The following SUPT3H variants were observed in gnomAD, a reference collection of about 807,000 sequenced individuals.
SUPT3H encodes transcription initiation protein SPT3 homolog.
Under a neutral mutation model 44.3 loss-of-function variants are expected in SUPT3H, and 44 were observed. The observed-to-expected ratio is 0.99, with a 90% confidence interval of 0.78 to 1.28. The LOEUF (loss-of-function observed/expected upper bound fraction) is 1.28, where lower values mean the gene tolerates loss of function less well. Ranked by LOEUF, SUPT3H falls within the 50% of genes most tolerant of loss-of-function variation. The pLI, the probability that SUPT3H is intolerant of heterozygous loss-of-function variation, is 0.00. For synonymous variants in SUPT3H, 124 were observed against 125.6 expected (o/e 0.99, Z 0.09); for missense variants, 380 against 387.1 (o/e 0.98, Z 0.15).
At chr6:44,893,181 C>T (rs1763566624) in intron 10 of SUPT3H, among the ~76,000 whole-genome samples, 1 of 151,936 alleles carries the variant, frequency 6.6e-6, no homozygotes, top group African/African-American at 2.4e-5. Flanking sequence ...CTTCTAGTTG[C>T]CTATTTATAA....
At chr6:44,947,511 C>T (rs1773545643) in intron 9 of SUPT3H, among the ~76,000 whole-genome samples, 1 of 152,122 alleles carries the variant, frequency 6.6e-6, no homozygotes, top group Admixed American at 6.5e-5. Context: ...CTGATGTAAG[C>T]AGTCAGCCTA....
At chr6:45,056,304 A>G (rs1256012668) in intron 3 of SUPT3H, among the ~76,000 whole-genome samples, 3 of 152,232 alleles carry the variant, frequency 2.0e-5, no homozygotes, top group African/African-American at 7.2e-5. Flanking sequence ...TAGATCTACC[A>G]TTTGATCTAG....
Position 44,954,553 on chromosome 6 carries a change from T to A in SUPT3H, c.635A>T (p.Lys212Ile). The part of the protein sequence containing the change: ...DWLDCSSMEI[K>I]PNVVAMEILA... ...GATTTCCATTGCGACAACATTGGGT[T>A]TTATCTCCATACTGCTGCAGTCCAA... Residue 212 changes from lysine to isoleucine, a missense_variant, in exon 8 of 11, where the codon AAA becomes ATA. Lys to Ile is a moderately radical substitution (Grantham distance 102). Transcript: ENST00000371459. 1 of 1,614,148 alleles carries A rather than the reference T, an allele frequency of 6.2e-7. No individual in the cohort carries two copies. The highest frequency in any genetic ancestry group is 8.5e-7 in the Non-Finnish European group (1 of 1,180,018).
At chr6:44,882,926 A>G (rs1467673718) in intron 10 of SUPT3H, among the ~76,000 whole-genome samples, 2 of 152,228 alleles carry the variant, frequency 1.3e-5, no homozygotes, top group Admixed American at 1.3e-4. Flanking sequence ...CACAGCCAAT[A>G]TCATACTGAA....
chr6:45,299,010 C>T (rs1160919829), intron 2 of SUPT3H, among the ~76,000 whole-genome samples: 1 of 152,006 alleles, frequency 6.6e-6, no homozygotes, highest in Non-Finnish European at 1.5e-5. Context: ...CACGTAAATG[C>T]AAAGTTTAAA....
At chr6:45,159,923 A>G (rs1260409885) in intron 2 of SUPT3H, among the ~76,000 whole-genome samples, 1 of 152,220 alleles carries the variant, frequency 6.6e-6, no homozygotes, top group South Asian at 2.1e-4. Flanking sequence ...ACATATACCC[A>G]AATAACACAA....
chr6:45,110,619 CT>C (rs1799920552), intron 2 of SUPT3H, among the ~76,000 whole-genome samples: 1 of 151,832 alleles, frequency 6.6e-6, no homozygotes, highest in African/African-American at 2.4e-5. Context: ...GCTTTACTAT[CT>C]TATGTTGAAT....
At chr6:45,099,961 A>C (rs1420791095) in intron 3 of SUPT3H, among the ~76,000 whole-genome samples, 1 of 152,314 alleles carries the variant, frequency 6.6e-6, no homozygotes, top group Non-Finnish European at 1.5e-5. Flanking sequence ...ATCAGAACAA[A>C]GAAATACAGA....
chr6:45,037,418 G>T (rs943340573), intron 3 of SUPT3H, among the ~76,000 whole-genome samples: 4 of 151,770 alleles, frequency 2.6e-5, no homozygotes, highest in African/African-American at 9.7e-5. Context: ...GGAGGCTGAG[G>T]CGGGGGGATC....
intron 3 of SUPT3H, among the ~76,000 whole-genome samples, chr6:45,051,367 T>C (rs1790276109): frequency 6.6e-6 from 1 of 152,042 alleles, no homozygotes; most frequent in African/African-American, 2.4e-5. Context: ...GAAGCACAGC[T>C]ATAAGCTGAG....
At chr6:44,952,152 T>C (rs542176075) in intron 9 of SUPT3H, among the ~76,000 whole-genome samples, 12 of 152,302 alleles carry the variant, frequency 7.9e-5, no homozygotes, top group Non-Finnish European at 1.2e-4. Flanking sequence ...ATTGTCCTTT[T>C]GTTTGTAATA....
At chr6:44,886,053 G>A (rs956337852) in intron 10 of SUPT3H, among the ~76,000 whole-genome samples, 12 of 152,036 alleles carry the variant, frequency 7.9e-5, no homozygotes, top group Non-Finnish European at 1.3e-4. Context: ...AAGTGAGAAG[G>A]GAAGTTTAGA....
At chr6:45,099,345 T>C (rs890488940) in intron 3 of SUPT3H, 2 of 55,686 alleles carry the variant, frequency 3.6e-5, no homozygotes, top group Non-Finnish European at 8.0e-5. Context: ...ATAAATGTGT[T>C]TTTCTTAAAA....
At chr6:45,314,865 T>C (rs1045218542) in intron 2 of SUPT3H, among the ~76,000 whole-genome samples, 1 of 152,166 alleles carries the variant, frequency 6.6e-6, no homozygotes, top group Non-Finnish European at 1.5e-5. Context: ...TCTGGAGGCA[T>C]CATATTACCT....
At chr6:45,007,063 TGG>T (rs1291336045) in intron 5 of SUPT3H, among the ~76,000 whole-genome samples, 7 of 152,170 alleles carry the variant, frequency 4.6e-5, no homozygotes, top group Non-Finnish European at 8.8e-5. Flanking sequence ...TTATCTTGGT[TGG>T]GTATAAAGTC....
chr6:45,230,934 G>C (rs1323262409), intron 2 of SUPT3H, among the ~76,000 whole-genome samples: 4 of 151,936 alleles, frequency 2.6e-5, no homozygotes, highest in South Asian at 2.1e-4. Flanking sequence ...GCCTCCCAAA[G>C]TGCTGGGATT....
intron 2 of SUPT3H, among the ~76,000 whole-genome samples, chr6:45,208,622 G>A (rs557887680): frequency 2.1e-4 from 32 of 151,944 alleles, no homozygotes; most frequent in Admixed American, 1.2e-3. Flanking sequence ...TGTTCAGGAC[G>A]CTGAGACAGG....
intron 3 of SUPT3H, among the ~76,000 whole-genome samples, chr6:45,031,749 A>G (rs987737078): frequency 2.6e-5 from 4 of 152,198 alleles, no homozygotes; most frequent in African/African-American, 9.7e-5. Context: ...AAGAGGAACC[A>G]TAAGAAAGAA....
At chr6:45,250,442 T>A (rs1339468507) in intron 2 of SUPT3H, among the ~76,000 whole-genome samples, 2 of 150,852 alleles carry the variant, frequency 1.3e-5, no homozygotes, top group Non-Finnish European at 3.0e-5. Context: ...ACTAGAAGAA[T>A]AAAAAACTGT....
Sources: allele counts gnomAD v4.1 joint callset (sites outside exome capture counted in the v4.1 genomes callset), GRCh38; gene constraint gnomAD v4.1.1; transcripts MANE v1.5; gene names NCBI Gene and HGNC (gene_info 2026-07-23, HGNC 2026-07-21).